The following MAP4 variants were observed in gnomAD, a reference collection of about 807,000 sequenced individuals.
MAP4 encodes the protein microtubule-associated protein 4.
In MAP4, 76 loss-of-function variants were observed where a neutral mutation model predicts 170.2. That is an observed-to-expected ratio of 0.45 (90% CI 0.37 to 0.54). The LOEUF is 0.54. MAP4 is among the 20% of genes least tolerant of loss of function. The pLI, the probability that MAP4 is intolerant of heterozygous loss-of-function variation, is 0.00. For synonymous variants in MAP4, 909 were observed against 994.5 expected (o/e 0.91, Z 1.62); for missense variants, 2,506 against 2,748.0 (o/e 0.91, Z 1.97).
chr3:47,941,220 C>CAAAAAAAAAAAAAA (rs745693695), intron 3 of MAP4, among the ~76,000 whole-genome samples: 1 of 45,838 alleles, frequency 2.2e-5, no homozygotes, highest in Non-Finnish European at 4.1e-5. Flanking sequence ...CTATCTCTAC[C>CAAAAAAAAAAAAAA]AAAAAAAAAA....
intron 9 of MAP4, among the ~76,000 whole-genome samples, chr3:47,903,954 C>T (rs1228821935): frequency 6.6e-6 from 1 of 152,206 alleles, no homozygotes; most frequent in Non-Finnish European, 1.5e-5. Context: ...TTTATATTTT[C>T]ATGATGTATC....
At chr3:47,975,005 AC>A in intron 3 of MAP4, 1 of 991,330 alleles carries the variant, frequency 1.0e-6, no homozygotes, top group Non-Finnish European at 1.2e-6. Flanking sequence ...GGTGGCCTCA[AC>A]CCCTTTATGA....
At position 48,049,236 on chromosome 3, in the gene MAP4, G is replaced by A. The variant is rs142803525; in HGVS notation, c.-20+39537C>T. Among the ~76,000 whole-genome samples the A allele has an allele frequency of 5.6e-3, 847 of 152,310 alleles. 4 individuals carry two copies. The highest frequency in any genetic ancestry group is 0.02 in the African/African-American group (813 of 41,574). On this transcript the variant is annotated intron_variant, in intron 1 of 18. Transcript: ENST00000360240. ...GAATAAGTCTGCTATGAACAGTTAC[G>A]TACAAGTTTTTAAGTGAACATAAAT...
chr3:47,892,827 A>G (rs1281859630), intron 10 of MAP4: 2 of 1,087,910 alleles, frequency 1.8e-6, no homozygotes, highest in African/African-American at 3.3e-5. Context: ...TGCCAATCCA[A>G]GCACTAAGGA....
At chr3:47,856,548 G>A (rs779650894) in intron 18 of MAP4, among the ~76,000 whole-genome samples, 7 of 151,872 alleles carry the variant, frequency 4.6e-5, no homozygotes, top group Non-Finnish European at 7.4e-5. Context: ...TCTGCCTCCT[G>A]GGTTCAAGCA....
Position 47,909,797 on chromosome 3 carries a change from C to T in MAP4, c.4624G>A (p.Gly1542Arg). 1 of 1,614,024 alleles carries T rather than the reference C, an allele frequency of 6.2e-7. No individual in the cohort carries two copies. Among genetic ancestry groups the T allele is most frequent in the Non-Finnish European group, 8.5e-7 (1 of 1,179,894 alleles). Residue 1542 changes from glycine to arginine, a missense_variant, in exon 9 of 21, where the codon GGG becomes AGG. By Grantham distance (125) the Gly-to-Arg change is moderately radical. Around this residue, in one of 3 missense-constraint regions of MAP4, gnomAD observed 2,008 missense variants for 2,206.0 expected, o/e 0.91. Coordinates refer to ENST00000683076, the MANE Select transcript of MAP4 (RefSeq NM_001385682.1). ...CCTATCACATGCCCTTCATCGATCC[C>T]TGCTTCATTTTTCATGGAATCAGCA... is the stretch of plus-strand genomic sequence containing the variant. ...ELADSMKNEA[G>R]IDEGHVIGES...
intron 1 of MAP4, among the ~76,000 whole-genome samples, chr3:48,036,751 T>C (rs2100118945): frequency 1.3e-5 from 2 of 152,192 alleles, no homozygotes; most frequent in Admixed American, 1.3e-4. Context: ...GAAAACCAAA[T>C]GAGTGAAGGC....
At chr3:47,979,687 T>G (rs1050677632) in intron 2 of MAP4, among the ~76,000 whole-genome samples, 1 of 152,120 alleles carries the variant, frequency 6.6e-6, no homozygotes, top group African/African-American at 2.4e-5. Flanking sequence ...TCTCAAACTC[T>G]TGACCTCAGG....
chr3:47,942,743 T>C (rs1229311256), intron 3 of MAP4, among the ~76,000 whole-genome samples: 3 of 152,332 alleles, frequency 2.0e-5, no homozygotes, highest in African/African-American at 7.2e-5. Context: ...AAAATAGTTG[T>C]GGTAAAATCG....
chr3:48,086,116 G>A (rs535450192), intron 1 of MAP4, among the ~76,000 whole-genome samples: 1 of 138,966 alleles, frequency 7.2e-6, no homozygotes, highest in African/African-American at 3.4e-5. Context: ...ATATGTGTAT[G>A]TATATATGTA....
intron 10 of MAP4, chr3:47,892,173 T>C: frequency 6.5e-7 from 1 of 1,536,356 alleles, no homozygotes; most frequent in South Asian, 1.2e-5. Context: ...ATCACATACC[T>C]GCTCTCAAGG....
intron 1 of MAP4, among the ~76,000 whole-genome samples, chr3:48,084,657 C>G (rs759281443): frequency 2.0e-5 from 3 of 151,276 alleles, no homozygotes; most frequent in East Asian, 1.9e-4. Context: ...ATCACTGGAG[C>G]CTTGAACTCC....
rs896924200 is a variant in MAP4 at position 47,977,026 on chromosome 3, T to C, written c.292+839A>G. ...ACAGAAATATGACAAATCTAGTAAC[T>C]ACCTCCACTGCAATAATATGAATCA... On this transcript the variant is annotated intron_variant, in intron 3 of 20. Transcript: ENST00000683076. 2.0e-5 allele frequency among the ~76,000 whole-genome samples: 3 copies of C among 152,272 alleles called. No individual in the cohort carries two copies. The South Asian group carries it at 6.2e-4, about 32-fold the overall frequency.
At chr3:47,892,372 T>C in intron 10 of MAP4, 1 of 1,536,266 alleles carries the variant, frequency 6.5e-7, no homozygotes, top group Non-Finnish European at 8.7e-7. Context: ...TCCTCTGCCA[T>C]TCGAATCCGG....
chr3:48,025,894 C>G (rs1332539203), intron 1 of MAP4, among the ~76,000 whole-genome samples: 1 of 102,622 alleles, frequency 9.7e-6, no homozygotes, highest in Admixed American at 1.0e-4. Context: ...GTGCGAAACT[C>G]TGCCTCAAAA....
intron 5 of MAP4, 39 bp from the exon 6 acceptor site, chr3:47,918,880 G>C (rs9816072): frequency 1.8e-5 from 28 of 1,550,036 alleles, no homozygotes; most frequent in African/African-American, 2.7e-5. Context: ...TTGAAACTTA[G>C]TAAACATTGG....
At chr3:48,063,002 C>T (rs374152835) in intron 1 of MAP4, among the ~76,000 whole-genome samples, 115 of 150,792 alleles carry the variant, frequency 7.6e-4, no homozygotes, top group African/African-American at 2.7e-3. Context: ...ACTTCACCAA[C>T]GATATACGAA....
At chr3:47,997,327 A>AAAAAAAAAAAAAAAAAAAAAAAAAAAAAG in intron 2 of MAP4, among the ~76,000 whole-genome samples, 1 of 107,568 alleles carries the variant, frequency 9.3e-6, no homozygotes, top group African/African-American at 5.5e-5. Flanking sequence ...TTAAACTGCT[A>AAAAAAAAAAAAAAAAAAAAAAAAAAAAAG]AAAAAAAAAA....
Position 47,911,383 on chromosome 3 carries a change from T to C in MAP4, c.3038A>G (p.Asp1013Gly). The C allele has an allele frequency of 6.5e-7, 1 of 1,536,136 alleles. No individual in the cohort carries two copies. Among genetic ancestry groups the C allele is most frequent in the South Asian group, 1.2e-5 (1 of 84,062 alleles). Residue 1013 changes from aspartate to glycine, a missense_variant, in exon 9 of 21, where the codon GAT (aspartate) becomes GGT (glycine). Asp to Gly is a moderately conservative substitution (Grantham distance 94, BLOSUM62 -1). Transcript: ENST00000683076. The surrounding 1 kb of genome is among the most constrained non-coding windows in gnomAD (Gnocchi z 4.0). ...AAAAGCTTCCTTTTTTAGTTCTTTA[T>C]CCTCTTCAGCTCCTTCAGGAAACTC... Reference protein sequence around the residue: ...LKEFPEGAEEDKELKKEAFPN... With the variant: ...LKEFPEGAEEGKELKKEAFPN...
Sources: gnomAD v4.1 joint callset for allele counts (sites outside exome capture counted in the v4.1 genomes callset) on GRCh38, gnomAD v4.1.1 for gene constraint, gnomAD v4.1.1 regional missense constraint, Gnocchi (gnomAD v3.1) non-coding constraint, MANE v1.5 for transcripts, NCBI Gene and HGNC (gene_info 2026-07-23, HGNC 2026-07-21) for gene names.